Variants in MTUS2 observed in about 807,000 individuals in gnomAD.
MTUS2 encodes the protein microtubule-associated tumor suppressor candidate 2.
Under a neutral mutation model 114.1 loss-of-function variants are expected in MTUS2, and 40 were observed. That is an observed-to-expected ratio of 0.35 (90% CI 0.27 to 0.46). The LOEUF (loss-of-function observed/expected upper bound fraction) is 0.46. Ranked by LOEUF, MTUS2 falls within the 20% of genes least tolerant of loss-of-function variation. MTUS2 has a pLI of 1.00. For missense variants in MTUS2, 1,679 were observed against 1,705.4 expected (o/e 0.98, Z 0.27); for synonymous variants, 688 against 672.0 (o/e 1.02, Z -0.37).
intron 2 of MTUS2, among the ~76,000 whole-genome samples, chr13:28,994,919 G>A (rs1885026623): frequency 6.6e-6 from 1 of 152,070 alleles, no homozygotes; most frequent in Admixed American, 6.6e-5. Flanking sequence ...GATCCCCTTT[G>A]TCAATTTTGT....
At chr13:29,378,940 G>T (rs1483680131) in intron 8 of MTUS2, among the ~76,000 whole-genome samples, 2 of 152,102 alleles carry the variant, frequency 1.3e-5, no homozygotes, top group Non-Finnish European at 2.9e-5. Context: ...TTAGATCATG[G>T]GGGTGGTCCC....
chr13:29,381,434 C>G (rs932164825), intron 8 of MTUS2, among the ~76,000 whole-genome samples: 1 of 152,134 alleles, frequency 6.6e-6, no homozygotes, highest in African/African-American at 2.4e-5. Context: ...GGTATTGCAA[C>G]TAAGAGGAAT....
chr13:28,847,190 A>G (rs1199824548), intron 2 of MTUS2, among the ~76,000 whole-genome samples: 1 of 152,212 alleles, frequency 6.6e-6, no homozygotes, highest in East Asian at 1.9e-4. Flanking sequence ...ATTTTTGACA[A>G]AGTGGGAAGA....
At chr13:29,463,997 G>T (rs936700497) in intron 9 of MTUS2, among the ~76,000 whole-genome samples, 1 of 117,642 alleles carries the variant, frequency 8.5e-6, no homozygotes, top group Non-Finnish European at 1.6e-5. Context: ...TGTCTCAAAA[G>T]AAAAGAAAAG....
intron 6 of MTUS2, among the ~76,000 whole-genome samples, chr13:29,295,176 G>A (rs934839594): frequency 3.3e-5 from 5 of 151,666 alleles, no homozygotes; most frequent in Non-Finnish European, 7.4e-5. Flanking sequence ...GTATGTATAG[G>A]GCACAGTGTG....
At chr13:28,912,563 G>GT (rs1376993034) in intron 2 of MTUS2, among the ~76,000 whole-genome samples, 1 of 152,086 alleles carries the variant, frequency 6.6e-6, no homozygotes, top group Non-Finnish European at 1.5e-5. Context: ...GTCAATGGTA[G>GT]TTTAATGGGA....
chr13:29,308,144 G>A (rs139205233), intron 6 of MTUS2, among the ~76,000 whole-genome samples: 2 of 152,156 alleles, frequency 1.3e-5, no homozygotes, highest in South Asian at 2.1e-4. Context: ...CAAGCTGCCC[G>A]ACTTCAAACT....
At chr13:29,460,894 C>G (rs1410470899) in intron 9 of MTUS2, among the ~76,000 whole-genome samples, 1 of 146,166 alleles carries the variant, frequency 6.8e-6, no homozygotes, top group Non-Finnish European at 1.5e-5. Flanking sequence ...AGTCAACAAT[C>G]TAAAAAAAAA....
At chr13:28,958,020 C>T (rs193066172) in intron 2 of MTUS2, among the ~76,000 whole-genome samples, 64 of 152,302 alleles carry the variant, frequency 4.2e-4, no homozygotes, top group African/African-American at 1.1e-3. Context: ...GCATGGTCTC[C>T]GAGCACAGCC....
intron 8 of MTUS2, among the ~76,000 whole-genome samples, chr13:29,395,530 T>G (rs978069622): frequency 6.6e-6 from 1 of 152,200 alleles, no homozygotes; most frequent in African/African-American, 2.4e-5. Flanking sequence ...AGATGTCAGT[T>G]GAGAAGGTAG....
intron 2 of MTUS2, among the ~76,000 whole-genome samples, chr13:28,853,753 T>G (rs902197957): frequency 6.6e-5 from 10 of 151,838 alleles, no homozygotes; most frequent in African/African-American, 2.4e-4. Flanking sequence ...GCAGAATTTA[T>G]ATTCCTTCTG....
chr13:29,363,402 T>TA (rs1309296301), intron 8 of MTUS2, among the ~76,000 whole-genome samples: 1 of 152,206 alleles, frequency 6.6e-6, no homozygotes, highest in African/African-American at 2.4e-5. Flanking sequence ...TACATGTTAT[T>TA]AAATAGTTTA....
At chr13:29,030,155 T>C (rs981309347) in intron 3 of MTUS2, among the ~76,000 whole-genome samples, 2 of 152,240 alleles carry the variant, frequency 1.3e-5, no homozygotes, top group African/African-American at 4.8e-5. Flanking sequence ...AGTTTATATA[T>C]TACATGCATA....
intron 8 of MTUS2, among the ~76,000 whole-genome samples, chr13:29,360,191 A>G (rs1331600223): frequency 6.6e-6 from 1 of 152,182 alleles, no homozygotes; most frequent in Non-Finnish European, 1.5e-5. Flanking sequence ...GGGGAGAAAA[A>G]GCATAAACAT....
intron 6 of MTUS2, among the ~76,000 whole-genome samples, chr13:29,318,257 G>GT (rs34302306): frequency 2.0e-3 from 283 of 139,084 alleles, no homozygotes; most frequent in South Asian, 4.8e-3. Context: ...AATGTTTTAG[G>GT]TTTTTTTTTT....
intron 8 of MTUS2, among the ~76,000 whole-genome samples, chr13:29,362,749 A>G (rs759546087): frequency 6.6e-6 from 1 of 152,226 alleles, no homozygotes; most frequent in Non-Finnish European, 1.5e-5. Context: ...AGTTGCTGCT[A>G]TATATTTTTA....
At chr13:28,951,152 T>C (rs1039396673) in intron 2 of MTUS2, among the ~76,000 whole-genome samples, 2 of 152,170 alleles carry the variant, frequency 1.3e-5, no homozygotes, top group East Asian at 1.9e-4. Flanking sequence ...ACACTAATAA[T>C]GAACATTTCA....
chr13:29,492,837 T>C (rs993882080), intron 12 of MTUS2, 118 bp downstream of exon 12: 58 of 775,062 alleles, frequency 7.5e-5, no homozygotes, highest in South Asian at 5.8e-4. Flanking sequence ...AACAATAGAA[T>C]ATAAGGTAAA....
At position 29,501,088 on chromosome 13, in the gene MTUS2, C is replaced by A. The variant is rs780727444; in HGVS notation, c.3799-9C>A. The A allele has an allele frequency of 6.2e-7, 1 of 1,612,992 alleles. No individual in the cohort carries two copies. The highest frequency in any genetic ancestry group is 8.5e-7 in the Non-Finnish European group (1 of 1,179,156). On this transcript the variant is annotated splice_polypyrimidine_tract_variant and intron_variant, in intron 14 of 15. Coordinates refer to ENST00000612955, the MANE Select transcript of MTUS2 (RefSeq NM_001033602.4). Reference sequence around the variant, plus strand: ...TGCTAGAACCTCTTAAACACTGTTTCCTTTGTAGGCAGAAAAGAACATTAT... The same window carrying A: ...TGCTAGAACCTCTTAAACACTGTTTACTTTGTAGGCAGAAAAGAACATTAT...
Sources: gnomAD v4.1 joint callset for allele counts (sites outside exome capture counted in the v4.1 genomes callset) on GRCh38, gnomAD v4.1.1 for gene constraint, MANE v1.5 for transcripts, NCBI Gene and HGNC (gene_info 2026-07-23, HGNC 2026-07-21) for gene names.